AZIN2: variants seen among roughly 807,000 people sequenced by gnomAD.
AZIN2 encodes the protein ODC antizyme inhibitor-2.
In AZIN2, 28 loss-of-function variants were observed where a neutral mutation model predicts 47.8. The observed-to-expected ratio is 0.59, with a 90% confidence interval of 0.43 to 0.80. The LOEUF (loss-of-function observed/expected upper bound fraction) is 0.80, where lower values mean the gene tolerates loss of function less well. Among genes scored for constraint, AZIN2 ranks in the 30% least tolerant of loss-of-function variants. The pLI is 0.00. For missense variants in AZIN2, 535 were observed against 582.5 expected (o/e 0.92, Z 0.84); for synonymous variants, 221 against 239.4 (o/e 0.92, Z 0.71).
intron 5 of AZIN2, among the ~76,000 whole-genome samples, chr1:33,086,286 G>A (rs1006508231): frequency 1.3e-5 from 2 of 152,198 alleles, no homozygotes; most frequent in African/African-American, 4.8e-5. Flanking sequence ...GGAAATGAGA[G>A]ATGGAGGTTC....
At chr1:33,166,621 A>G in the AZIN2 span, among the ~76,000 whole-genome samples, 1 of 152,212 alleles carries the variant, frequency 6.6e-6, no homozygotes, top group Non-Finnish European at 1.5e-5. Flanking sequence ...CCCATAGCAT[A>G]CAGATAAACA....
chr1:33,129,515 A>C, the AZIN2 span, among the ~76,000 whole-genome samples: 1 of 152,200 alleles, frequency 6.6e-6, no homozygotes, highest in Non-Finnish European at 1.5e-5. The surrounding 1 kb of genome is among the most constrained non-coding windows in gnomAD (Gnocchi z 4.1). Context: ...GCATGGGATG[A>C]GTGTTACATA....
intron 10 of AZIN2, among the ~76,000 whole-genome samples, chr1:33,103,643 C>A (rs1643868736): frequency 6.6e-6 from 1 of 152,150 alleles, no homozygotes; most frequent in Non-Finnish European, 1.5e-5. Flanking sequence ...TCTCCATTAG[C>A]AGGTAGGCTC....
At chr1:33,125,525 C>G (rs1045113651), downstream of AZIN2, among the ~76,000 whole-genome samples, 3 of 152,202 alleles carry the variant, frequency 2.0e-5, no homozygotes, top group Admixed American at 2.0e-4. Context: ...TTGGCTCATT[C>G]TCATCTTAAA....
chr1:33,136,927 G>T, the AZIN2 span, among the ~76,000 whole-genome samples: 1 of 151,618 alleles, frequency 6.6e-6, no homozygotes, highest in Non-Finnish European at 1.5e-5. Flanking sequence ...AACCCAGGAG[G>T]CAGAGGTTGC....
rs1644798523 is a variant in AZIN2 at position 33,121,701 on chromosome 1, C to T, written c.*1519C>T. Among the ~76,000 whole-genome samples, 1 of 152,222 alleles carries T rather than the reference C, an allele frequency of 6.6e-6. No homozygotes were observed. Among genetic ancestry groups the T allele is most frequent in the Non-Finnish European group, 1.5e-5 (1 of 68,032 alleles). On this transcript the variant is annotated 3_prime_UTR_variant, in exon 12 of 12. Transcript: ENST00000294517. ...GCAGTCACTCTCCATTTTTCCCATTCCCCAGTCCCTGATGACACAAATCTA... is the reference window on the plus strand; with the variant it reads ...GCAGTCACTCTCCATTTTTCCCATTTCCCAGTCCCTGATGACACAAATCTA...
Position 33,098,098 on chromosome 1 carries a change from G to C in AZIN2, c.948G>C (p.Val316=). The C allele has an allele frequency of 6.2e-7, 1 of 1,614,038 alleles. No homozygotes were observed. Among genetic ancestry groups the C allele is most frequent in the East Asian group, 2.2e-5 (1 of 44,876 alleles). The change falls in exon 10 of 12, where the codon GTG becomes GTC. Residue 316 remains valine, a synonymous_variant. Transcript: ENST00000294517. ...EENGSTSKTI[V]YHLDEGVYGI... is the part of the protein sequence containing the mutation. Reference sequence around the variant, plus strand: ...ATGGTTCCACCTCCAAGACCATCGTGTACCACCTTGATGAGGGCGTGTATG... The same window carrying C: ...ATGGTTCCACCTCCAAGACCATCGTCTACCACCTTGATGAGGGCGTGTATG...
intron 10 of AZIN2, among the ~76,000 whole-genome samples, chr1:33,109,183 A>G (rs1222794948): frequency 6.6e-6 from 1 of 152,172 alleles, no homozygotes; most frequent in Non-Finnish European, 1.5e-5. Context: ...TGACCATTTT[A>G]AACAGAGTTT....
chr1:33,150,674 C>T, the AZIN2 span, among the ~76,000 whole-genome samples: 2 of 152,214 alleles, frequency 1.3e-5, no homozygotes, highest in Admixed American at 1.3e-4. Flanking sequence ...GGCAGCTTGT[C>T]AGAACCAGGG....
chr1:33,149,299 C>T, the AZIN2 span, among the ~76,000 whole-genome samples: 68 of 152,104 alleles, frequency 4.5e-4, no homozygotes, highest in African/African-American at 1.1e-3. Flanking sequence ...ATTATAGGCA[C>T]GCGCCACCAC....
chr1:33,101,003 A>T (rs915037625), intron 10 of AZIN2, among the ~76,000 whole-genome samples: 1 of 152,070 alleles, frequency 6.6e-6, no homozygotes, highest in Admixed American at 6.6e-5. Context: ...CTGGGATTAC[A>T]GGTGTGTGCC....
the AZIN2 span, chr1:33,164,126 G>A: frequency 6.6e-6 from 1 of 152,292 alleles, no homozygotes; most frequent in African/African-American, 2.4e-5. Context: ...AAGAAGCAAT[G>A]AGGCCAGCAT....
the AZIN2 span, among the ~76,000 whole-genome samples, chr1:33,144,736 C>T: frequency 1.3e-5 from 2 of 152,156 alleles, no homozygotes; most frequent in African/African-American, 2.4e-5. Flanking sequence ...AGGATGCTTC[C>T]TCATCAGTCA....
At chr1:33,106,637 A>C (rs1487592932) in intron 10 of AZIN2, among the ~76,000 whole-genome samples, 1 of 152,202 alleles carries the variant, frequency 6.6e-6, no homozygotes, top group East Asian at 1.9e-4. Context: ...GTGATGTACT[A>C]TAATATTACC....
the AZIN2 span, among the ~76,000 whole-genome samples, chr1:33,132,044 G>A: frequency 6.6e-6 from 1 of 152,198 alleles, no homozygotes; most frequent in Non-Finnish European, 1.5e-5. Flanking sequence ...AGGCATTAAT[G>A]TGACCGGGCT....
intron 10 of AZIN2, among the ~76,000 whole-genome samples, chr1:33,100,842 G>A (rs1425261769): frequency 1.3e-5 from 2 of 151,900 alleles, no homozygotes; most frequent in Non-Finnish European, 2.9e-5. Context: ...TCTGCATGGT[G>A]CATTTGGTTG....
the AZIN2 span, among the ~76,000 whole-genome samples, chr1:33,133,673 G>A: frequency 2.6e-5 from 4 of 152,324 alleles, no homozygotes; most frequent in East Asian, 7.7e-4. Context: ...CAAAGAGATG[G>A]GGTGTTAGGG....
intron 5 of AZIN2, 95 bp from the exon 6 acceptor site, chr1:33,091,955 G>C (rs1642598049): frequency 7.4e-7 from 1 of 1,346,214 alleles, no homozygotes; most frequent in Non-Finnish European, 1.0e-6. Flanking sequence ...GCCTCCCTAT[G>C]CATAGCTATG....
chr1:33,106,974 A>G (rs1644035031), intron 10 of AZIN2, among the ~76,000 whole-genome samples: 1 of 152,206 alleles, frequency 6.6e-6, no homozygotes, highest in South Asian at 2.1e-4. Flanking sequence ...CTGTTTGCAG[A>G]TGACATTATC....
Sources: gnomAD v4.1 joint callset for allele counts (sites outside exome capture counted in the v4.1 genomes callset) on GRCh38, gnomAD v4.1.1 for gene constraint, Gnocchi (gnomAD v3.1) non-coding constraint, MANE v1.5 for transcripts, NCBI Gene and HGNC (gene_info 2026-07-23, HGNC 2026-07-21) for gene names.